The following DERA variants were observed in gnomAD, a reference collection of about 807,000 sequenced individuals.
DERA encodes 2-deoxy-D-ribose 5-phosphate aldolase.
Under a neutral mutation model 41.1 loss-of-function variants are expected in DERA, and 15 were observed. The ratio of observed to expected loss-of-function variants is 0.37; its 90% CI spans 0.24 to 0.56. The LOEUF (loss-of-function observed/expected upper bound fraction) is 0.56, where lower values mean the gene tolerates loss of function less well. Among genes scored for constraint, DERA ranks in the 20% least tolerant of loss-of-function variants. The pLI, the probability that DERA is intolerant of heterozygous loss-of-function variation, is 0.81. For missense variants in DERA, 396 were observed against 403.4 expected, an observed-to-expected ratio of 0.98 and a Z score of 0.16; for synonymous variants, 139 against 137.4, an observed-to-expected ratio of 1.01 and a Z score of -0.08.
At position 16,008,189 on chromosome 12, in the gene DERA, A is replaced by C. The variant is rs888104788; in HGVS notation, c.638-24353A>C. ...TTTCTTTTTCTCTGTTTCTTCAGCA[A>C]CGTGCAGACACATTGGTGTACAGAT... is the stretch of plus-strand genomic sequence containing the variant. On this transcript the variant is annotated intron_variant, in intron 6 of 8. Transcript: ENST00000428559. This position sits in a 1 kb window ranked among gnomAD's most constrained non-coding sequence, Gnocchi z 4.8. 6.6e-6 allele frequency among the ~76,000 whole-genome samples: 1 copy of C among 152,176 alleles called. No homozygotes were observed. Among genetic ancestry groups the C allele is most frequent in the Admixed American group, 6.5e-5 (1 of 15,272 alleles).
At position 15,988,764 on chromosome 12, in the gene DERA, C is replaced by T. The variant is rs1295543709; in HGVS notation, c.637+6328C>T. ...CCTTCCTGCCTAGGAACCTGTCTGC[C>T]TCCCACCACCATCATCATGTTGTCC... On this transcript the variant is annotated intron_variant, in intron 6 of 8. Transcript: ENST00000428559. This position sits in a 1 kb window ranked among gnomAD's most constrained non-coding sequence, Gnocchi z 6.0. Among the ~76,000 whole-genome samples the T allele has an allele frequency of 6.6e-6, 1 of 152,276 alleles. No homozygotes were observed. Among genetic ancestry groups the T allele is most frequent in the African/African-American group, 2.4e-5 (1 of 41,562 alleles).
At chr12:16,029,363 C>A (rs1038252980) in intron 6 of DERA, among the ~76,000 whole-genome samples, 1 of 152,096 alleles carries the variant, frequency 6.6e-6, no homozygotes, top group African/African-American at 2.4e-5. Context: ...GCGGAGCTTG[C>A]TTGCAGTGAG....
At chr12:15,960,009 C>T (rs965854123) in intron 4 of DERA, 85 bp downstream of exon 4, 11 of 962,940 alleles carry the variant, frequency 1.1e-5, no homozygotes, top group Non-Finnish European at 1.7e-5. Flanking sequence ...TAGGTTTGTA[C>T]TATGATTTAA....
Position 15,928,166 on chromosome 12 carries a change from G to A in DERA, c.31+16752G>A, listed in dbSNP as rs115677793. ...ATGTCTGAAATTTACTCTCTTAGCC[G>A]TTTTGAAACATACATGAGTATTAAC... On this transcript the variant is annotated intron_variant, in intron 1 of 8. Transcript: ENST00000428559. This position sits in a 1 kb window ranked among gnomAD's most constrained non-coding sequence, Gnocchi z 4.6. Among the ~76,000 whole-genome samples, 155 of 152,226 alleles carry A rather than the reference G, an allele frequency of 1.0e-3. 2 individuals carry two copies. In the East Asian group the frequency reaches 0.026, roughly 26 times the overall value.
chr12:15,911,436 C>G lies in DERA; in HGVS notation c.31+22C>G, dbSNP rs943563821. On this transcript the variant is annotated intron_variant, in intron 1 of 8. Transcript: ENST00000428559. This position sits in a 1 kb window ranked among gnomAD's most constrained non-coding sequence, Gnocchi z 4.5. ...CTCGGTAAGGGGCCCGCGGGGCTCC[C>G]CATCCCCTCTCCCTCGCGTTCAGCG... 1 of 1,411,648 alleles carries G rather than the reference C, an allele frequency of 7.1e-7. No homozygotes were observed. Among genetic ancestry groups the G allele is most frequent in the Non-Finnish European group, 9.2e-7 (1 of 1,091,420 alleles). 87.4% of individuals were successfully genotyped at this position (1,411,648 alleles called of 1,614,324 possible).
rs575454839 is a variant in DERA, at chr12:15,922,826, A to G, written c.31+11412A>G. ...TCAGTACATTGGCTTGTACTTTCCA[A>G]GTCTGTAAAACAGACACACGAGAAT... is the stretch of plus-strand genomic sequence containing the variant. On this transcript the variant is annotated intron_variant, in intron 1 of 8. Coordinates refer to ENST00000428559, the MANE Select transcript of DERA (RefSeq NM_015954.4). This position sits in a 1 kb window ranked among gnomAD's most constrained non-coding sequence, Gnocchi z 4.9. Among the ~76,000 whole-genome samples the G allele has an allele frequency of 9.0e-4, 137 of 152,216 alleles. 2 individuals carry two copies. Among genetic ancestry groups the G allele is most frequent in the Non-Finnish European group, 1.6e-3 (111 of 68,008 alleles).
In DERA at chr12:16,021,130, T is replaced by C. The variant is rs1949014809; in HGVS notation, c.638-11412T>C. Among the ~76,000 whole-genome samples the C allele has an allele frequency of 6.6e-6, 1 of 152,190 alleles. No homozygotes were observed. The highest frequency in any genetic ancestry group is 6.5e-5 in the Admixed American group (1 of 15,282). On this transcript the variant is annotated intron_variant, in intron 6 of 8. Transcript: ENST00000428559. The surrounding 1 kb of genome is among the most constrained non-coding windows in gnomAD (Gnocchi z 5.3). ...GGAGCCAAGTGCTCATATATAAGAC[T>C]GTGGGGAAAAGACTTGAAGGCATTT...
intron 4 of DERA, among the ~76,000 whole-genome samples, chr12:15,960,321 C>T (rs940108523): frequency 9.3e-5 from 14 of 150,242 alleles, no homozygotes; most frequent in African/African-American, 3.4e-4. Flanking sequence ...TTCTGTTATA[C>T]ATATATATGT....
At chr12:15,930,597 G>T (rs1040106586) in intron 1 of DERA, among the ~76,000 whole-genome samples, 1 of 151,878 alleles carries the variant, frequency 6.6e-6, no homozygotes, top group African/African-American at 2.4e-5. Flanking sequence ...CTTTTTTGTC[G>T]TTGCCAAAAT....
chr12:15,952,211 T>C (rs1010984451), intron 1 of DERA, among the ~76,000 whole-genome samples: 2 of 152,256 alleles, frequency 1.3e-5, no homozygotes, highest in African/African-American at 4.8e-5. Flanking sequence ...TACTTCATTC[T>C]TTTTAATGGC....
At chr12:15,977,669 A>G (rs746487659) in intron 5 of DERA, among the ~76,000 whole-genome samples, 11 of 151,986 alleles carry the variant, frequency 7.2e-5, no homozygotes, top group Non-Finnish European at 1.5e-4. Context: ...TGTTGGCCAG[A>G]CTTGTCTCGA....
chr12:15,988,515 TCTGA>T lies in DERA; in HGVS notation c.637+6084_637+6087del, dbSNP rs1246865665. On this transcript the variant is annotated intron_variant, in intron 6 of 8. Coordinates refer to ENST00000428559, the MANE Select transcript of DERA (RefSeq NM_015954.4). The surrounding 1 kb of genome is among the most constrained non-coding windows in gnomAD (Gnocchi z 6.0). ...CAGGTCGTCCCTGTGAGTGTGTGAG[TCTGA>T]CTGAGTCTGAGGTTTTTATATGCTC... 5.3e-5 allele frequency among the ~76,000 whole-genome samples: 8 copies of T among 152,008 alleles called. No individual in the cohort carries two copies. Among genetic ancestry groups the T allele is most frequent in the African/African-American group, 1.9e-4 (8 of 41,382 alleles).
At position 16,035,652 on chromosome 12, in the gene DERA, CTG is replaced by C. The variant is rs747455814; in HGVS notation, c.751-573_751-572del. On this transcript the variant is annotated intron_variant, in intron 7 of 8. Coordinates refer to ENST00000428559, the MANE Select transcript of DERA (RefSeq NM_015954.4). This position sits in a 1 kb window ranked among gnomAD's most constrained non-coding sequence, Gnocchi z 4.1. ...TAACTGGTCTGCCAGCTTTTTAGAA[CTG>C]TGTGTGCCTGCAACTTAGAAAAAAA... 1.4e-4 allele frequency among the ~76,000 whole-genome samples: 22 copies of C among 152,250 alleles called. No individual in the cohort carries two copies. Among genetic ancestry groups the C allele is most frequent in the Non-Finnish European group, 2.6e-4 (18 of 68,022 alleles).
In DERA at chr12:16,035,724, T is replaced by G. The variant is rs890652427; in HGVS notation, c.751-508T>G. 7.9e-5 allele frequency among the ~76,000 whole-genome samples: 12 copies of G among 152,230 alleles called. No individual in the cohort carries two copies. The highest frequency in any genetic ancestry group is 1.8e-4 in the Non-Finnish European group (12 of 68,038). On this transcript the variant is annotated intron_variant, in intron 7 of 8. Transcript: ENST00000428559. This position sits in a 1 kb window ranked among gnomAD's most constrained non-coding sequence, Gnocchi z 4.1. ...TAAAACAACTGTCAACTTTCCTTGC[T>G]TTTTTGCTGCCAGTTTGGTTAGGGT... is the stretch of plus-strand genomic sequence containing the variant.
chr12:15,926,723 C>T (rs984267973), intron 1 of DERA, among the ~76,000 whole-genome samples: 158 of 130,886 alleles, frequency 1.2e-3, no homozygotes, highest in African/African-American at 4.3e-3. Context: ...GGCGACAGAG[C>T]GAGACTCCGT....
rs770373679 is a variant in DERA at position 15,982,178 on chromosome 12, G to A, written c.509-130G>A. The A allele has an allele frequency of 3.9e-4, 347 of 884,532 alleles. 1 individual carries two copies. The highest frequency in any genetic ancestry group is 9.4e-4 in the Admixed American group (29 of 30,950). 54.8% of individuals were successfully genotyped at this position (884,532 alleles called of 1,614,324 possible). A position where few individuals can be genotyped will look rare whatever the true frequency, so the allele number is the denominator to read the frequency against. The stretch of plus-strand genomic sequence containing the variant: ...ATGCTCCAGGCAATGTTAAATTGGG[G>A]TGATTTTTAGAAAGTGACAAATGTT... On this transcript the variant is annotated intron_variant, in intron 5 of 8. Coordinates refer to ENST00000428559, the MANE Select transcript of DERA (RefSeq NM_015954.4). This position sits in a 1 kb window ranked among gnomAD's most constrained non-coding sequence, Gnocchi z 4.0.
rs1448120488 is a variant in DERA at position 15,970,531 on chromosome 12, T to C, written c.508+7584T>C. Among the ~76,000 whole-genome samples, 3 of 152,150 alleles carry C rather than the reference T, an allele frequency of 2.0e-5. No homozygotes were observed. The highest frequency in any genetic ancestry group is 4.4e-5 in the Non-Finnish European group (3 of 68,026). ...TGGATCCTAGAGAGAAGAAAGTTAA[T>C]TTTATTTATTTATTTATAAGTGTTT... On this transcript the variant is annotated intron_variant, in intron 5 of 8. Coordinates refer to ENST00000428559, the MANE Select transcript of DERA (RefSeq NM_015954.4). This position sits in a 1 kb window ranked among gnomAD's most constrained non-coding sequence, Gnocchi z 4.3.
chr12:16,029,143 TAAAC>T (rs1016757722), intron 6 of DERA, among the ~76,000 whole-genome samples: 3 of 152,150 alleles, frequency 2.0e-5, no homozygotes, highest in Non-Finnish European at 4.4e-5. Context: ...TATTTAAAAA[TAAAC>T]AAACTGGCCG....
Position 16,029,795 on chromosome 12 carries a change from TAGAA to T in DERA, c.638-2743_638-2740del, listed in dbSNP as rs1949078786. Among the ~76,000 whole-genome samples the T allele has an allele frequency of 2.6e-5, 4 of 151,998 alleles. No homozygotes were observed. In the South Asian group the frequency reaches 6.2e-4, roughly 24 times the overall value. On this transcript the variant is annotated intron_variant, in intron 6 of 8. Transcript: ENST00000428559. ...TTCTGCTTTGCTCTCCCAAATATAT[TAGAA>T]AGAGAGTGTCCACCCCGCCCTTCTG...
Sources: allele counts gnomAD v4.1 joint callset (sites outside exome capture counted in the v4.1 genomes callset), GRCh38; gene constraint gnomAD v4.1.1; non-coding constraint Gnocchi (gnomAD v3.1); transcripts MANE v1.5; gene names NCBI Gene and HGNC (gene_info 2026-07-23, HGNC 2026-07-21).